The following KLF7 variants were observed in gnomAD, a reference collection of about 807,000 sequenced individuals.
KLF7 encodes the protein Krueppel-like factor 7.
In KLF7, 2 loss-of-function variants were observed where a neutral mutation model predicts 27.3. The ratio of observed to expected loss-of-function variants is 0.07; its 90% confidence interval spans 0.03 to 0.23. The LOEUF is 0.23. Ranked by LOEUF, KLF7 falls within the 10% of genes least tolerant of loss-of-function variation. The pLI, the probability that KLF7 is intolerant of heterozygous loss-of-function variation, is 1.00. For synonymous variants in KLF7, 165 were observed against 162.4 expected (o/e 1.02, Z -0.12); for missense variants, 221 against 394.1 (o/e 0.56, Z 3.72).
At chr2:207,170,116 A>G (rs534799141), upstream of KLF7, among the ~76,000 whole-genome samples, 1 of 152,276 alleles carries the variant, frequency 6.6e-6, no homozygotes, top group South Asian at 2.1e-4. Flanking sequence ...ATGGAAAGAA[A>G]AAGTTATTGA....
chr2:207,166,746 T>G (rs1459615263), upstream of KLF7: 22 of 964,206 alleles, frequency 2.3e-5, no homozygotes, highest in African/African-American at 5.4e-5. Context: ...GCCGGGGAGG[T>G]CCTCACGTAC....
intron 1 of KLF7, among the ~76,000 whole-genome samples, chr2:207,132,615 T>C (rs566471647): frequency 3.9e-4 from 59 of 152,350 alleles, no homozygotes; most frequent in African/African-American, 1.4e-3. Flanking sequence ...CCCAGGCACA[T>C]GATGCAAAGC....
At chr2:207,110,546 C>G (rs919041710) in intron 2 of KLF7, among the ~76,000 whole-genome samples, 1 of 152,188 alleles carries the variant, frequency 6.6e-6, no homozygotes, top group African/African-American at 2.4e-5. Flanking sequence ...ACCAGCCTGG[C>G]AGCTGATGTG....
chr2:207,076,324 G>A lies in KLF7; in HGVS notation c.*4889C>T, dbSNP rs930552440. ...ACCTTCCCTCATGACCACTGAGAGGGAGCCCTGTTTGAAAAGAATATCTTG... is the reference window on the plus strand; with the variant it reads ...ACCTTCCCTCATGACCACTGAGAGGAAGCCCTGTTTGAAAAGAATATCTTG... On this transcript the variant is annotated 3_prime_UTR_variant, in exon 4 of 4. Coordinates refer to ENST00000309446, the MANE Select transcript of KLF7 (RefSeq NM_003709.4). 2.6e-5 allele frequency: 4 copies of A among 152,024 alleles called. No homozygotes were observed. Among genetic ancestry groups the A allele is most frequent in the Admixed American group, 6.6e-5 (1 of 15,266 alleles). 9.4% of individuals were successfully genotyped at this position (152,024 alleles called of 1,614,324 possible). A position where few individuals can be genotyped will look rare whatever the true frequency, so the allele number is the denominator to read the frequency against.
intron 2 of KLF7, among the ~76,000 whole-genome samples, chr2:207,107,818 G>A (rs890534044): frequency 1.3e-5 from 2 of 152,210 alleles, no homozygotes; most frequent in Non-Finnish European, 2.9e-5. Flanking sequence ...CTCAAACCGT[G>A]TCAAAACGGA....
intron 2 of KLF7, among the ~76,000 whole-genome samples, chr2:207,090,964 T>G (rs1194560229): frequency 6.6e-6 from 1 of 152,016 alleles, no homozygotes; most frequent in African/African-American, 2.4e-5. Context: ...TCGAATGTAG[T>G]TAAAACTGGA....
At chr2:207,125,211 G>A (rs746840017) in intron 1 of KLF7, among the ~76,000 whole-genome samples, 4 of 152,064 alleles carry the variant, frequency 2.6e-5, no homozygotes, top group Non-Finnish European at 1.5e-5. Context: ...ATTTTCACCC[G>A]ATAAAGAAAC....
chr2:207,093,303 A>T (rs1361951079), intron 2 of KLF7, among the ~76,000 whole-genome samples: 2 of 152,240 alleles, frequency 1.3e-5, no homozygotes, highest in African/African-American at 4.8e-5. Flanking sequence ...GTCAAAAGCC[A>T]GGCAAGGCTC....
intron 2 of KLF7, among the ~76,000 whole-genome samples, chr2:207,089,511 G>A (rs1169301915): frequency 1.3e-5 from 2 of 152,018 alleles, no homozygotes; most frequent in Non-Finnish European, 2.9e-5. Context: ...CCTTCCAACT[G>A]TATGGTGGAC....
chr2:207,123,701 G>C (rs964784073), intron 2 of KLF7, 73 bp downstream of exon 2: 2 of 1,514,000 alleles, frequency 1.3e-6, no homozygotes, highest in African/African-American at 2.8e-5. Flanking sequence ...TCAGAACAAA[G>C]AGGAGCCCTC....
chr2:207,135,186 G>A (rs943781218), intron 1 of KLF7, among the ~76,000 whole-genome samples: 2 of 152,096 alleles, frequency 1.3e-5, no homozygotes, highest in African/African-American at 2.4e-5. Flanking sequence ...TGAACTTCCA[G>A]GGGCCCACTA....
chr2:207,107,491 C>T lies in KLF7; in HGVS notation c.733+16283G>A, dbSNP rs562552615. On this transcript the variant is annotated intron_variant, in intron 2 of 3. Coordinates refer to ENST00000309446, the MANE Select transcript of KLF7 (RefSeq NM_003709.4). ...CTTCTCCTCCATATGGAGCTGCGGC[C>T]GTAAATCACAAATATGAGTGTGTGT... 3.0e-4 allele frequency among the ~76,000 whole-genome samples: 45 copies of T among 152,230 alleles called. 1 individual carries two copies. In the South Asian group the frequency reaches 8.1e-3, roughly 27 times the overall value.
rs371341074 is a variant in KLF7 at position 207,126,511 on chromosome 2, A to G, written c.103-2107T>C. Among the ~76,000 whole-genome samples, 28 of 152,314 alleles carry G rather than the reference A, an allele frequency of 1.8e-4. No individual in the cohort carries two copies. In the South Asian group the frequency reaches 5.2e-3, roughly 28 times the overall value. ...CAATTTTGGAAATGACCACTAATAC[A>G]TATCTCTGGGAATACAATTGCAATG... On this transcript the variant is annotated intron_variant, in intron 1 of 3. Transcript: ENST00000309446.
At chr2:207,125,321 A>G (rs1164919337) in intron 1 of KLF7, among the ~76,000 whole-genome samples, 1 of 152,232 alleles carries the variant, frequency 6.6e-6, no homozygotes, top group African/African-American at 2.4e-5. Context: ...AAAAGTCGAT[A>G]TTTAAGAAGT....
intron 2 of KLF7, among the ~76,000 whole-genome samples, chr2:207,094,150 TAG>T (rs772061662): frequency 6.6e-6 from 1 of 152,220 alleles, no homozygotes; most frequent in African/African-American, 2.4e-5. Flanking sequence ...GCCTTTAAGA[TAG>T]AGAGTGTAGC....
At chr2:207,144,498 TTGCCTAGGACTCCCACCCAGCTGGG>T (rs958534982) in intron 1 of KLF7, among the ~76,000 whole-genome samples, 3 of 152,168 alleles carry the variant, frequency 2.0e-5, no homozygotes, top group Admixed American at 2.0e-4. Context: ...TCCTTCTGAT[TTGCCTAGGACTCCCACCCAGCTGGG>T]TCACTGTTTC....
At chr2:207,143,857 GAGTT>G (rs2106072919) in intron 1 of KLF7, among the ~76,000 whole-genome samples, 1 of 152,298 alleles carries the variant, frequency 6.6e-6, no homozygotes. Context: ...GCCGGAAAGA[GAGTT>G]AGAGGAGGCA....
chr2:207,077,079 G>C lies in KLF7; in HGVS notation c.*4134C>G, dbSNP rs1229152467. On this transcript the variant is annotated 3_prime_UTR_variant, in exon 4 of 4. Transcript: ENST00000309446. ...TCCTAAAAGCAACTCATGCAAAAGA[G>C]AAGACAGAAGCACTTCCCACTTTTT... 1 of 152,176 alleles carries C rather than the reference G, an allele frequency of 6.6e-6. No homozygotes were observed. Among genetic ancestry groups the C allele is most frequent in the Non-Finnish European group, 1.5e-5 (1 of 68,030 alleles). 9.4% of individuals were successfully genotyped at this position (152,176 alleles called of 1,614,324 possible). A position where few individuals can be genotyped will look rare whatever the true frequency, so the allele number is the denominator to read the frequency against.
In KLF7 at chr2:207,097,113, T is replaced by G. The variant is rs139603155; in HGVS notation, c.734-8532A>C. 3.1e-3 allele frequency among the ~76,000 whole-genome samples: 479 copies of G among 152,346 alleles called. 1 individual carries two copies. The highest frequency in any genetic ancestry group is 0.011 in the African/African-American group (462 of 41,576). On this transcript the variant is annotated intron_variant, in intron 2 of 3. Coordinates refer to ENST00000309446, the MANE Select transcript of KLF7 (RefSeq NM_003709.4). ...CCAGAGACCATACCTCAAGAACCATTGCTGTAGTGGGGAAATAAAATGAAC... is the reference window on the plus strand; with the variant it reads ...CCAGAGACCATACCTCAAGAACCATGGCTGTAGTGGGGAAATAAAATGAAC...
Sources: allele counts gnomAD v4.1 joint callset (sites outside exome capture counted in the v4.1 genomes callset), GRCh38; gene constraint gnomAD v4.1.1; transcripts MANE v1.5; gene names NCBI Gene and HGNC (gene_info 2026-07-23, HGNC 2026-07-21).